TNIK: variants seen among roughly 807,000 people sequenced by gnomAD.
TNIK encodes the protein TRAF2 and NCK interacting kinase.
TNIK carries 49 observed loss-of-function variants against 191.3 expected under a neutral mutation model. The ratio of observed to expected loss-of-function variants is 0.26; its 90% CI spans 0.20 to 0.32. TNIK has a LOEUF of 0.32. Among genes scored for constraint, TNIK ranks in the 10% least tolerant of loss-of-function variants. The pLI is 1.00. For synonymous variants in TNIK, 594 were observed against 600.9 expected (o/e 0.99, Z 0.17); for missense variants, 1,155 against 1,702.3 (o/e 0.68, Z 5.66).
At chr3:171,383,260 C>T (rs1220973011) in intron 1 of TNIK, among the ~76,000 whole-genome samples, 2 of 152,176 alleles carry the variant, frequency 1.3e-5, no homozygotes, top group Admixed American at 6.5e-5. Flanking sequence ...CCTACATGGC[C>T]TAAACCAGAG....
At position 171,128,887 on chromosome 3, in the gene TNIK, CAA is replaced by C. The variant is rs59293515; in HGVS notation, c.1609-11_1609-10del. ...CTTGACCGTTCTTCTACCTACAACC[CAA>C]AAAAAAAAAAAAAAAAAAGACAGCC... On this transcript the variant is annotated splice_polypyrimidine_tract_variant and intron_variant, in intron 15 of 32. Coordinates refer to ENST00000436636, the MANE Select transcript of TNIK (RefSeq NM_015028.4). 0.035 allele frequency: 40,190 copies of C among 1,140,710 alleles called. 1 individual carries two copies. Among genetic ancestry groups the C allele is most frequent in the East Asian group, 0.078 (2,414 of 30,800 alleles). 70.7% of individuals were successfully genotyped at this position (1,140,710 alleles called of 1,614,324 possible).
intron 1 of TNIK, among the ~76,000 whole-genome samples, chr3:171,419,276 T>C (rs766989344): frequency 2.5e-4 from 38 of 152,298 alleles, no homozygotes; most frequent in Non-Finnish European, 4.9e-4. Flanking sequence ...TGTATAAATC[T>C]ACTTAGAGTA....
chr3:171,190,587 G>T (rs926321425), intron 6 of TNIK, 110 bp downstream of exon 6: 8 of 780,048 alleles, frequency 1.0e-5, no homozygotes, highest in Non-Finnish European at 1.2e-5. Flanking sequence ...CCATTTTTAG[G>T]GCAATGCTCT....
At chr3:171,200,727 T>G (rs1739298380) in intron 4 of TNIK, among the ~76,000 whole-genome samples, 1 of 152,210 alleles carries the variant, frequency 6.6e-6, no homozygotes, top group South Asian at 2.1e-4. Flanking sequence ...AACTTCCCTT[T>G]CCTGCCCTAA....
chr3:171,082,131 G>A, intron 27 of TNIK, 120 bp downstream of exon 27: 1 of 1,356,986 alleles, frequency 7.4e-7, no homozygotes, highest in Non-Finnish European at 1.0e-6. Flanking sequence ...TGGCTATACT[G>A]CTATACTTTA....
At chr3:171,350,506 A>G (rs774365288) in intron 2 of TNIK, among the ~76,000 whole-genome samples, 7 of 151,738 alleles carry the variant, frequency 4.6e-5, no homozygotes, top group Non-Finnish European at 7.4e-5. Context: ...CCCTGTTGAA[A>G]TCCAATTAGC....
intron 2 of TNIK, among the ~76,000 whole-genome samples, chr3:171,274,964 T>C (rs928848298): frequency 2.0e-5 from 3 of 152,212 alleles, no homozygotes; most frequent in African/African-American, 7.2e-5. Flanking sequence ...GAGCATGAGC[T>C]GTGAGGCAGG....
chr3:171,208,563 T>TGA (rs1740397632), intron 4 of TNIK, among the ~76,000 whole-genome samples: 1 of 46,224 alleles, frequency 2.2e-5, no homozygotes. Flanking sequence ...TTTGTGTGTA[T>TGA]GTGTGTGTGT....
chr3:171,209,489 G>A (rs1158669405), intron 4 of TNIK, among the ~76,000 whole-genome samples: 1 of 152,056 alleles, frequency 6.6e-6, no homozygotes, highest in African/African-American at 2.4e-5. Context: ...TTTAAAACAT[G>A]TATATAGTCA....
intron 18 of TNIK, among the ~76,000 whole-genome samples, chr3:171,118,812 G>A (rs963441327): frequency 6.6e-6 from 1 of 152,138 alleles, no homozygotes. Flanking sequence ...AGACTTAAAT[G>A]TTAGACCTAA....
chr3:171,139,380 A>ACG, intron 14 of TNIK, 90 bp downstream of exon 14: 1 of 465,394 alleles, frequency 2.1e-6, no homozygotes, highest in Non-Finnish European at 3.1e-6. Flanking sequence ...GCACGCGCGC[A>ACG]CACACACACA....
chr3:171,140,776 A>T (rs975193020), intron 12 of TNIK, among the ~76,000 whole-genome samples: 3 of 152,182 alleles, frequency 2.0e-5, no homozygotes, highest in Non-Finnish European at 4.4e-5. Flanking sequence ...TGTTCTCCCC[A>T]CAGCTGGTGA....
chr3:171,423,873 A>G (rs1279095677), intron 1 of TNIK, among the ~76,000 whole-genome samples: 2 of 152,230 alleles, frequency 1.3e-5, no homozygotes, highest in East Asian at 3.8e-4. Context: ...CGAAAACCAT[A>G]AAAACCCTAG....
rs774069577 is a variant in TNIK at position 171,101,593 on chromosome 3, A to G, written c.2447T>C (p.Ile816Thr). ...ALAKELRELR[I>T]EETNRPMKKV... is the part of the protein sequence containing the mutation. ...CTTCATTGGGCGGTTTGTTTCTTCA[A>G]TCCGGAGTTCTCTTAGTTCTTTGGC... is the stretch of plus-strand genomic sequence containing the variant. Residue 816 changes from isoleucine to threonine, a missense_variant, in exon 22 of 33, where the codon ATT (isoleucine) becomes ACT (threonine). This residue lies in a region of TNIK where 735 missense variants were observed against 848.0 expected (regional missense o/e 0.87). Transcript: ENST00000436636. 4.3e-6 allele frequency: 7 copies of G among 1,613,142 alleles called. No homozygotes were observed. Among genetic ancestry groups the G allele is most frequent in the East Asian group, 2.2e-5 (1 of 44,868 alleles).
intron 2 of TNIK, among the ~76,000 whole-genome samples, chr3:171,230,664 C>T (rs1459522579): frequency 6.6e-6 from 1 of 152,150 alleles, no homozygotes; most frequent in East Asian, 1.9e-4. Context: ...GCCTTCTTGA[C>T]TCCTCAGACA....
intron 1 of TNIK, among the ~76,000 whole-genome samples, chr3:171,449,662 T>C (rs1350966891): frequency 2.6e-5 from 4 of 152,232 alleles, no homozygotes; most frequent in African/African-American, 9.6e-5. Flanking sequence ...TAAGTTTAAA[T>C]AATTTGAGAA....
chr3:171,440,085 G>A (rs372255840), intron 1 of TNIK, among the ~76,000 whole-genome samples: 1 of 152,124 alleles, frequency 6.6e-6, no homozygotes, highest in Non-Finnish European at 1.5e-5. Context: ...CCAAGACCAT[G>A]CTAGGCTGGG....
intron 2 of TNIK, among the ~76,000 whole-genome samples, chr3:171,355,496 TCTG>T (rs1713904936): frequency 6.6e-6 from 1 of 152,202 alleles, no homozygotes; most frequent in South Asian, 2.1e-4. Flanking sequence ...GAAATCAGAA[TCTG>T]CCTAATTTGC....
At chr3:171,245,035 A>C (rs1479988082) in intron 2 of TNIK, among the ~76,000 whole-genome samples, 1 of 152,190 alleles carries the variant, frequency 6.6e-6, no homozygotes, top group African/African-American at 2.4e-5. Context: ...CCTGGATGCC[A>C]ATACTCTTAG....
Sources: gnomAD v4.1 joint callset for allele counts (sites outside exome capture counted in the v4.1 genomes callset) on GRCh38, gnomAD v4.1.1 for gene constraint, gnomAD v4.1.1 regional missense constraint, MANE v1.5 for transcripts, NCBI Gene and HGNC (gene_info 2026-07-23, HGNC 2026-07-21) for gene names.